NRXN1: variants seen among roughly 807,000 people sequenced by gnomAD.
The protein encoded by NRXN1 is neurexin 1.
In NRXN1, 39 loss-of-function variants were observed where a neutral mutation model predicts 150.9. The ratio of observed to expected loss-of-function variants is 0.26; its 90% CI spans 0.20 to 0.34. NRXN1 has a LOEUF of 0.34. NRXN1 is among the 10% of genes least tolerant of loss of function. The pLI is 1.00. For synonymous variants in NRXN1, 924 were observed against 757.0 expected, an observed-to-expected ratio of 1.22 and a Z score of -3.62; for missense variants, 1,815 against 1,949.9, an observed-to-expected ratio of 0.93 and a Z score of 1.30.
chr2:50,016,797 T>TG (rs1276270375), intron 21 of NRXN1, among the ~76,000 whole-genome samples: 2 of 152,056 alleles, frequency 1.3e-5, no homozygotes, highest in African/African-American at 4.8e-5. Context: ...TCAGGCTATA[T>TG]GGAAAAAAAT....
chr2:50,181,586 T>G (rs898240026), intron 18 of NRXN1, among the ~76,000 whole-genome samples: 7 of 152,084 alleles, frequency 4.6e-5, no homozygotes, highest in African/African-American at 1.7e-4. Flanking sequence ...TAGGGGAAAA[T>G]TAGACTAAAT....
intron 2 of NRXN1, among the ~76,000 whole-genome samples, chr2:50,995,011 G>C (rs771774096): frequency 2.0e-5 from 3 of 150,996 alleles, no homozygotes; most frequent in African/African-American, 7.3e-5. Flanking sequence ...AGAAATATAG[G>C]GTAATAACAT....
intron 19 of NRXN1, among the ~76,000 whole-genome samples, chr2:50,090,378 A>G (rs1387253342): frequency 3.3e-5 from 5 of 152,132 alleles, no homozygotes; most frequent in Non-Finnish European, 5.9e-5. Context: ...GTAAAATAGA[A>G]ATGTATTTTT....
intron 13 of NRXN1, among the ~76,000 whole-genome samples, chr2:50,500,288 G>T (rs1348536218): frequency 6.6e-6 from 1 of 151,752 alleles, no homozygotes; most frequent in Admixed American, 6.6e-5. Context: ...TGCACACAGA[G>T]CATAAATAAT....
chr2:50,222,347 C>T (rs2063962140), intron 18 of NRXN1, among the ~76,000 whole-genome samples: 1 of 151,944 alleles, frequency 6.6e-6, no homozygotes, highest in Admixed American at 6.6e-5. Context: ...AAATTAAATA[C>T]ACCAGAAAGA....
intron 5 of NRXN1, among the ~76,000 whole-genome samples, chr2:50,848,491 G>GT (rs1674024767): frequency 6.6e-6 from 1 of 152,108 alleles, no homozygotes; most frequent in Non-Finnish European, 1.5e-5. Flanking sequence ...GAGGCAATTG[G>GT]TTGCTTTGCT....
intron 21 of NRXN1, among the ~76,000 whole-genome samples, chr2:50,007,920 G>A (rs931941758): frequency 1.3e-5 from 2 of 152,022 alleles, no homozygotes; most frequent in Non-Finnish European, 2.9e-5. Flanking sequence ...TTAATGGTAA[G>A]TGTTATTCTA....
Position 50,463,842 on chromosome 2 carries a change from C to T in NRXN1, c.3364+1600G>A, listed in dbSNP as rs779708281. 25 of 151,756 alleles carry T rather than the reference C, an allele frequency of 1.6e-4. No homozygotes were observed. In the East Asian group the frequency reaches 3.3e-3, roughly 20 times the overall value. 9.4% of individuals were successfully genotyped at this position (151,756 alleles called of 1,614,324 possible). ...TTTAGCAACATGAAAAATATTTTCACACCAAAAAAATCCCTCTCAACTACC... is the reference window on the plus strand; with the variant it reads ...TTTAGCAACATGAAAAATATTTTCATACCAAAAAAATCCCTCTCAACTACC... On this transcript the variant is annotated intron_variant, in intron 17 of 22. Coordinates refer to ENST00000401669, the MANE Select transcript of NRXN1 (RefSeq NM_001330078.2).
chr2:50,937,200 G>A (rs532185335), intron 2 of NRXN1, among the ~76,000 whole-genome samples: 30 of 152,184 alleles, frequency 2.0e-4, no homozygotes, highest in South Asian at 4.1e-4. Context: ...TGGCTAATAC[G>A]TATTTAATGA....
chr2:50,189,760 T>C (rs1165775824), intron 18 of NRXN1, among the ~76,000 whole-genome samples: 1 of 152,146 alleles, frequency 6.6e-6, no homozygotes, highest in Non-Finnish European at 1.5e-5. Flanking sequence ...ACTTTACTGT[T>C]CATTTTATAT....
intron 21 of NRXN1, among the ~76,000 whole-genome samples, chr2:50,048,613 A>G (rs918631741): frequency 3.3e-5 from 5 of 152,172 alleles, no homozygotes; most frequent in Non-Finnish European, 5.9e-5. Context: ...GAAGTGTCCA[A>G]TATATTCAAA....
chr2:50,651,699 C>G (rs140836029), intron 5 of NRXN1, among the ~76,000 whole-genome samples: 1,524 of 152,018 alleles, frequency 0.01, 13 homozygotes, highest in Non-Finnish European at 0.013. Flanking sequence ...GACACACATG[C>G]TCTCTTCCAT....
rs537632300 is a variant in NRXN1, at chr2:50,425,524, A to T, written c.3364+39918T>A. ...GCTATGGAGGCAGGTAGAGGCAGAG[A>T]TGGAAGAGGTGGAACAGCATTTGGT... On this transcript the variant is annotated intron_variant, in intron 17 of 22. Transcript: ENST00000401669. Among the ~76,000 whole-genome samples, 226 of 152,286 alleles carry T rather than the reference A, an allele frequency of 1.5e-3. 2 individuals carry two copies. The highest frequency in any genetic ancestry group is 5.2e-3 in the African/African-American group (215 of 41,566).
chr2:50,267,576 C>CT (rs989481320), intron 17 of NRXN1, among the ~76,000 whole-genome samples: 2 of 151,988 alleles, frequency 1.3e-5, no homozygotes, highest in African/African-American at 4.8e-5. Flanking sequence ...AAATGTTAGG[C>CT]TTTTTTCCTA....
intron 21 of NRXN1, among the ~76,000 whole-genome samples, chr2:50,020,158 A>AAT (rs1250295502): frequency 6.6e-6 from 1 of 152,014 alleles, no homozygotes; most frequent in Non-Finnish European, 1.5e-5. Flanking sequence ...TGTAGGACTA[A>AAT]ATTACTTATG....
chr2:50,135,951 TA>T (rs1706342098), intron 18 of NRXN1, among the ~76,000 whole-genome samples: 1 of 152,214 alleles, frequency 6.6e-6, no homozygotes, highest in Non-Finnish European at 1.5e-5. Flanking sequence ...CATTTTCATG[TA>T]GATGTCAAAC....
At chr2:50,418,038 C>T (rs2083682644) in intron 17 of NRXN1, among the ~76,000 whole-genome samples, 1 of 151,932 alleles carries the variant, frequency 6.6e-6, no homozygotes, top group Admixed American at 6.6e-5. Context: ...ACTAGTTCTT[C>T]CAGAGGTCTA....
chr2:50,558,121 A>G (rs895150000), intron 8 of NRXN1, among the ~76,000 whole-genome samples: 2 of 152,208 alleles, frequency 1.3e-5, no homozygotes, highest in East Asian at 1.9e-4. Context: ...AGGCCCTCTT[A>G]TAAGAGTTTT....
intron 12 of NRXN1, among the ~76,000 whole-genome samples, chr2:50,509,714 T>C (rs2092377805): frequency 6.6e-6 from 1 of 152,212 alleles, no homozygotes; most frequent in Non-Finnish European, 1.5e-5. Flanking sequence ...CTTCAAGCTG[T>C]TAATGACCTT....
Sources: allele counts gnomAD v4.1 joint callset (sites outside exome capture counted in the v4.1 genomes callset), GRCh38; gene constraint gnomAD v4.1.1; transcripts MANE v1.5; gene names NCBI Gene and HGNC (gene_info 2026-07-23, HGNC 2026-07-21).